PRKAR2B: variants seen among roughly 807,000 people sequenced by gnomAD.
The protein encoded by PRKAR2B is protein kinase cAMP-dependent type II regulatory subunit beta.
PRKAR2B carries 14 observed loss-of-function variants against 49.9 expected under a neutral mutation model. That is an observed-to-expected ratio of 0.28 (90% CI 0.19 to 0.44). The LOEUF (loss-of-function observed/expected upper bound fraction) is 0.44. PRKAR2B is among the 20% of genes least tolerant of loss of function. PRKAR2B has a pLI of 1.00. For missense variants in PRKAR2B, 393 were observed against 537.9 expected (o/e 0.73, Z 2.67); for synonymous variants, 196 against 197.7 (o/e 0.99, Z 0.07).
At chr7:107,139,926 A>G (rs916695411) in intron 4 of PRKAR2B, among the ~76,000 whole-genome samples, 6 of 152,202 alleles carry the variant, frequency 3.9e-5, no homozygotes, top group Non-Finnish European at 7.4e-5. Context: ...ATGGGCAGTT[A>G]GCATTATACC....
chr7:107,095,983 G>C (rs1052231485), intron 2 of PRKAR2B, among the ~76,000 whole-genome samples: 6 of 152,128 alleles, frequency 3.9e-5, no homozygotes, highest in Non-Finnish European at 8.8e-5. Flanking sequence ...TTGTGTCTCT[G>C]CCAGGCTTTG....
chr7:107,102,207 A>C (rs1338973138), intron 2 of PRKAR2B, among the ~76,000 whole-genome samples: 1 of 152,212 alleles, frequency 6.6e-6, no homozygotes, highest in Non-Finnish European at 1.5e-5. Flanking sequence ...ACTCCGTCTC[A>C]AAAAGAAAAA....
chr7:107,087,862 C>T (rs1562852351), intron 2 of PRKAR2B, among the ~76,000 whole-genome samples: 2 of 152,012 alleles, frequency 1.3e-5, no homozygotes, highest in African/African-American at 4.8e-5. Flanking sequence ...TACATCTCTG[C>T]CCTAACATCC....
At position 107,115,490 on chromosome 7, in the gene PRKAR2B, G is replaced by A. The variant is rs1244292694; in HGVS notation, c.344-6462G>A. Among the ~76,000 whole-genome samples, 5 of 152,270 alleles carry A rather than the reference G, an allele frequency of 3.3e-5. No homozygotes were observed. In the South Asian group the frequency reaches 1.0e-3, roughly 32 times the overall value. On this transcript the variant is annotated intron_variant, in intron 2 of 10. Transcript: ENST00000265717. ...CTTAATATTTTGATGCAGGAAGTAG[G>A]AAAATATTAAAAATTGAAAGGTGGT... is the stretch of plus-strand genomic sequence containing the variant.
intron 3 of PRKAR2B, among the ~76,000 whole-genome samples, chr7:107,125,748 T>C (rs962927271): frequency 6.6e-6 from 1 of 151,942 alleles, no homozygotes; most frequent in Non-Finnish European, 1.5e-5. Context: ...AGGAGAGCAG[T>C]AGACCATAGT....
rs1796195589 is a variant in PRKAR2B at position 107,161,456 on chromosome 7, G to A, written c.*1874G>A. 6.6e-6 allele frequency: 1 copy of A among 152,426 alleles called. No homozygotes were observed. The highest frequency in any genetic ancestry group is 2.4e-5 in the African/African-American group (1 of 41,362). The allele number at this position is 152,426 out of a possible 1,614,324, so 9.4% of individuals were successfully genotyped here. On this transcript the variant is annotated 3_prime_UTR_variant, in exon 11 of 11. Coordinates refer to ENST00000265717, the MANE Select transcript of PRKAR2B (RefSeq NM_002736.3). ...CACGTACATTATTTTCAGTATTGTT[G>A]GTTATATTTAAATTTTCCTTACAAT... is the stretch of plus-strand genomic sequence containing the variant.
intron 1 of PRKAR2B, among the ~76,000 whole-genome samples, chr7:107,061,599 G>A (rs1794028187): frequency 2.0e-5 from 3 of 152,100 alleles, no homozygotes; most frequent in Admixed American, 2.0e-4. Context: ...ACTTGAACAC[G>A]TCAATAAAGA....
At chr7:107,055,148 T>C (rs544117568) in intron 1 of PRKAR2B, among the ~76,000 whole-genome samples, 2 of 152,348 alleles carry the variant, frequency 1.3e-5, no homozygotes, top group African/African-American at 4.8e-5. Flanking sequence ...GAACTGATCC[T>C]TTTTTATGGC....
chr7:107,066,060 A>G (rs1794130840), intron 1 of PRKAR2B, among the ~76,000 whole-genome samples: 2 of 152,224 alleles, frequency 1.3e-5, no homozygotes. Flanking sequence ...TACAAGCACG[A>G]AGATATTCAT....
At chr7:107,075,379 G>A (rs1794377013) in intron 2 of PRKAR2B, among the ~76,000 whole-genome samples, 1 of 150,988 alleles carries the variant, frequency 6.6e-6, no homozygotes, top group African/African-American at 2.4e-5. Context: ...GGGATTATAG[G>A]TGTAAGCCAC....
At chr7:107,099,619 G>T (rs994816784) in intron 2 of PRKAR2B, among the ~76,000 whole-genome samples, 1 of 151,404 alleles carries the variant, frequency 6.6e-6, no homozygotes, top group South Asian at 2.1e-4. Flanking sequence ...GTTCCTATTC[G>T]GCCATCTTGC....
intron 1 of PRKAR2B, among the ~76,000 whole-genome samples, chr7:107,045,722 C>T (rs1046769810): frequency 6.6e-6 from 1 of 152,208 alleles, no homozygotes; most frequent in African/African-American, 2.4e-5. Flanking sequence ...AAATTGGACT[C>T]ACTGGGGCAG....
At chr7:107,097,004 G>C (rs1302824404) in intron 2 of PRKAR2B, among the ~76,000 whole-genome samples, 2 of 152,176 alleles carry the variant, frequency 1.3e-5, no homozygotes, top group African/African-American at 4.8e-5. Context: ...GGGGTGGAGA[G>C]TTCTGTAGAT....
intron 2 of PRKAR2B, among the ~76,000 whole-genome samples, chr7:107,093,687 G>A (rs1205007595): frequency 7.4e-6 from 1 of 135,328 alleles, no homozygotes; most frequent in Non-Finnish European, 1.5e-5. Context: ...ACAGGCCCCG[G>A]TGTGTGATGT....
intron 2 of PRKAR2B, among the ~76,000 whole-genome samples, chr7:107,113,084 A>G (rs965769250): frequency 2.0e-5 from 3 of 152,170 alleles, no homozygotes; most frequent in Admixed American, 2.0e-4. Context: ...ATTCCGTAAT[A>G]TTTCTGTTCC....
chr7:107,094,060 G>T (rs752608734), intron 2 of PRKAR2B, among the ~76,000 whole-genome samples: 3 of 152,068 alleles, frequency 2.0e-5, no homozygotes, highest in Non-Finnish European at 4.4e-5. Context: ...TGGTATTTCT[G>T]GTTCTAGATC....
chr7:107,077,519 T>C (rs531566113), intron 2 of PRKAR2B: 1 of 152,358 alleles, frequency 6.6e-6, no homozygotes, highest in Non-Finnish European at 1.5e-5. Context: ...TCTAGGTATT[T>C]CTATTCAGTA....
At chr7:107,131,567 C>A (rs957376687) in intron 4 of PRKAR2B, among the ~76,000 whole-genome samples, 3 of 151,980 alleles carry the variant, frequency 2.0e-5, no homozygotes, top group Admixed American at 6.5e-5. Flanking sequence ...TTGTCATGAT[C>A]GAATGTTTTA....
intron 2 of PRKAR2B, among the ~76,000 whole-genome samples, chr7:107,094,790 T>C (rs1159303845): frequency 1.3e-5 from 2 of 152,350 alleles, no homozygotes; most frequent in East Asian, 3.9e-4. Context: ...CTTGTTTTTC[T>C]CAGGTTTGTC....
Sources: gnomAD v4.1 joint callset for allele counts (sites outside exome capture counted in the v4.1 genomes callset) on GRCh38, gnomAD v4.1.1 for gene constraint, MANE v1.5 for transcripts, NCBI Gene and HGNC (gene_info 2026-07-23, HGNC 2026-07-21) for gene names.